Variants in BLVRA observed in about 807,000 individuals in gnomAD.
BLVRA encodes biliverdin reductase A, also known as BVR A.
BLVRA carries 22 observed loss-of-function variants against 32.8 expected under a neutral mutation model. The observed-to-expected ratio is 0.67, with a 90% CI of 0.48 to 0.96. BLVRA has a LOEUF of 0.96. Among genes scored for constraint, BLVRA ranks in the 40% least tolerant of loss-of-function variants. The pLI is 0.00. For missense variants in BLVRA, 323 were observed against 358.1 expected (o/e 0.90, Z 0.79); for synonymous variants, 119 against 141.3 (o/e 0.84, Z 1.12).
At chr7:43,792,149 G>A (rs2095786867) in intron 4 of BLVRA, among the ~76,000 whole-genome samples, 1 of 152,102 alleles carries the variant, frequency 6.6e-6, no homozygotes, top group South Asian at 2.1e-4. Context: ...CTTTTCCAAC[G>A]TTATTATCCT....
chr7:43,783,228 C>T (rs1352421557), intron 2 of BLVRA, among the ~76,000 whole-genome samples: 1 of 152,186 alleles, frequency 6.6e-6, no homozygotes, highest in Non-Finnish European at 1.5e-5. Flanking sequence ...CTTCTTCCCT[C>T]CTATCCCTGT....
intron 2 of BLVRA, among the ~76,000 whole-genome samples, chr7:43,776,132 T>G (rs1333243334): frequency 6.6e-5 from 10 of 152,236 alleles, no homozygotes; most frequent in Non-Finnish European, 1.5e-4. Flanking sequence ...TTTTTGTGTC[T>G]CTGTTTCCTT....
intron 1 of BLVRA, 31 bp from the exon 2 acceptor site, chr7:43,771,107 G>C (rs2095754198): frequency 1.2e-6 from 2 of 1,611,286 alleles, no homozygotes; most frequent in Non-Finnish European, 1.7e-6. Context: ...GGTGCCACCA[G>C]GGACCTGAAC....
At chr7:43,798,009 CTG>C (rs2095794571) in intron 5 of BLVRA, among the ~76,000 whole-genome samples, 1 of 151,686 alleles carries the variant, frequency 6.6e-6, no homozygotes, top group Non-Finnish European at 1.5e-5. Context: ...CTGGCCTACA[CTG>C]TGAAACCCCG....
chr7:43,767,311 G>A lies in BLVRA; in HGVS notation c.-21-3827G>A, dbSNP rs1214186651. 3 of 1,346,722 alleles carry A rather than the reference G, an allele frequency of 2.2e-6. No individual in the cohort carries two copies. In the East Asian group the frequency reaches 6.9e-5, roughly 31 times the overall value. 83.4% of individuals were successfully genotyped at this position (1,346,722 alleles called of 1,614,324 possible). On this transcript the variant is annotated intron_variant, in intron 1 of 7. Transcript: ENST00000265523. The stretch of plus-strand genomic sequence containing the variant: ...CACTGTGGAGCACCCAGATAAAGTG[G>A]CGCTGAACGCACTGCAGCCTCCTAA...
chr7:43,785,863 A>C (rs1442296852), intron 2 of BLVRA, among the ~76,000 whole-genome samples: 2 of 152,246 alleles, frequency 1.3e-5, no homozygotes, highest in African/African-American at 4.8e-5. Flanking sequence ...TAAAATATAT[A>C]ATATAAAATC....
rs373825735 is a variant in BLVRA at position 43,807,089 on chromosome 7, A to C, written c.745A>C (p.Asn249His). 19 of 1,614,120 alleles carry C rather than the reference A, an allele frequency of 1.2e-5. No individual in the cohort carries two copies. Among genetic ancestry groups the C allele is most frequent in the Admixed American group, 5.0e-5 (3 of 60,016 alleles). ...TGTGCCAAATGTAGGAGTGAATAAGAACATATTTCTGAAAGATCAAAATAT... is the reference window on the plus strand; with the variant it reads ...TGTGCCAAATGTAGGAGTGAATAAGCACATATTTCTGAAAGATCAAAATAT... ...ENVPNVGVNK[N>H]IFLKDQNIFV... Residue 249 changes from asparagine (N) to histidine (H), a missense_variant, in exon 8 of 8, where the codon AAC (asparagine) becomes CAC (histidine). By Grantham distance (68) the Asn-to-His change is moderately conservative. Coordinates refer to ENST00000265523, the MANE Select transcript of BLVRA (RefSeq NM_000712.4).
At chr7:43,788,315 T>C (rs577053976) in intron 3 of BLVRA, among the ~76,000 whole-genome samples, 1 of 152,288 alleles carries the variant, frequency 6.6e-6, no homozygotes, top group Non-Finnish European at 1.5e-5. Flanking sequence ...AACACATGCA[T>C]GGGGCTTTGG....
chr7:43,800,340 G>T (rs768011480), intron 5 of BLVRA, 125 bp from the exon 6 acceptor site: 1 of 885,974 alleles, frequency 1.1e-6, no homozygotes, highest in Non-Finnish European at 1.9e-6. Context: ...GGCCATCCTG[G>T]CCATGTGCCC....
chr7:43,790,676 T>C (rs1467165803), intron 3 of BLVRA, among the ~76,000 whole-genome samples: 1 of 152,158 alleles, frequency 6.6e-6, no homozygotes, highest in Non-Finnish European at 1.5e-5. Context: ...CCTTTTATTT[T>C]TATGTTATTT....
intron 3 of BLVRA, among the ~76,000 whole-genome samples, chr7:43,788,317 G>C (rs2132575300): frequency 1.3e-5 from 2 of 152,310 alleles, no homozygotes; most frequent in Admixed American, 1.3e-4. Context: ...CACATGCATG[G>C]GGCTTTGGCC....
chr7:43,803,572 C>T (rs1266100672), intron 6 of BLVRA, 104 bp from the exon 7 acceptor site: 3 of 1,320,294 alleles, frequency 2.3e-6, no homozygotes, highest in Non-Finnish European at 3.3e-6. Context: ...GTACTGATCA[C>T]TCGGCCACAT....
intron 1 of BLVRA, among the ~76,000 whole-genome samples, chr7:43,759,101 G>C (rs2095739555): frequency 6.6e-6 from 1 of 152,236 alleles, no homozygotes; most frequent in Admixed American, 6.5e-5. Flanking sequence ...CTCCAGGAGC[G>C]CGAGCGGCTG....
chr7:43,776,820 G>A (rs1410867243), intron 2 of BLVRA, among the ~76,000 whole-genome samples: 1 of 152,100 alleles, frequency 6.6e-6, no homozygotes, highest in Non-Finnish European at 1.5e-5. Context: ...ATGAATCTGG[G>A]TGCTCCTGTA....
rs146694882 is a variant in BLVRA, at chr7:43,764,998, T to G, written c.-21-6140T>G. 8.4e-4 allele frequency among the ~76,000 whole-genome samples: 128 copies of G among 152,270 alleles called. 1 individual carries two copies. Among genetic ancestry groups the G allele is most frequent in the African/African-American group, 3.0e-3 (124 of 41,552 alleles). On this transcript the variant is annotated intron_variant, in intron 1 of 7. Transcript: ENST00000265523. ...CTGGCTCTTCATCCCTCTAGAGAGA[T>G]AGCTCATCTGTGTGCACCTGAGCCC...
At chr7:43,806,227 C>A (rs1185378816) in intron 7 of BLVRA, among the ~76,000 whole-genome samples, 2 of 151,886 alleles carry the variant, frequency 1.3e-5, no homozygotes, top group African/African-American at 4.8e-5. Flanking sequence ...GCAGGAGAAT[C>A]GTTTGAACCT....
rs1368895248 is a variant in BLVRA at position 43,807,282 on chromosome 7, T to C, written c.*47T>C. 3.1e-6 allele frequency: 5 copies of C among 1,598,934 alleles called. No homozygotes were observed. The highest frequency in any genetic ancestry group is 4.2e-6 in the Non-Finnish European group (5 of 1,179,176). The stretch of plus-strand genomic sequence containing the variant: ...TTCCAAGATGGCACCAGCATTTGGT[T>C]CTTCTCAAGAGTTGACCATTATCTC... On this transcript the variant is annotated 3_prime_UTR_variant, in exon 8 of 8. Transcript: ENST00000265523.
Position 43,787,861 on chromosome 7 carries a change from C to G in BLVRA, c.13-43C>G. 1 of 1,614,076 alleles carries G rather than the reference C, an allele frequency of 6.2e-7. No individual in the cohort carries two copies. Among genetic ancestry groups the G allele is most frequent in the East Asian group, 2.2e-5 (1 of 44,870 alleles). Reference sequence around the variant, plus strand: ...TTGTTTTGTAGTTTTCTGCTCGATGCCTACAGTGTTTTCAGACTCCACCTT... The same window carrying G: ...TTGTTTTGTAGTTTTCTGCTCGATGGCTACAGTGTTTTCAGACTCCACCTT... On this transcript the variant is annotated intron_variant, in intron 2 of 7. Transcript: ENST00000265523. The surrounding 1 kb of genome is among the most constrained non-coding windows in gnomAD (Gnocchi z 4.5).
Position 43,787,958 on chromosome 7 carries a change from C to A in BLVRA, c.67C>A (p.Arg23=). 6.2e-7 allele frequency: 1 copy of A among 1,614,140 alleles called. No individual in the cohort carries two copies. The highest frequency in any genetic ancestry group is 8.5e-7 in the Non-Finnish European group (1 of 1,180,022). The change falls in exon 3 of 8, where the codon CGG becomes AGG. Residue 23 remains arginine (R), a synonymous_variant. Transcript: ENST00000265523. This position sits in a 1 kb window ranked among gnomAD's most constrained non-coding sequence, Gnocchi z 4.5. ...VVGVGRAGSV[R]MRDLRNPHPS... ...TGGTGTTGGCCGAGCCGGCTCCGTG[C>A]GGATGAGGGACTTGCGGAATCCACA...
Sources: gnomAD v4.1 joint callset for allele counts (sites outside exome capture counted in the v4.1 genomes callset) on GRCh38, gnomAD v4.1.1 for gene constraint, Gnocchi (gnomAD v3.1) non-coding constraint, MANE v1.5 for transcripts, NCBI Gene and HGNC (gene_info 2026-07-23, HGNC 2026-07-21) for gene names.